TMEM67: variants seen among roughly 807,000 people sequenced by gnomAD.
TMEM67 encodes transmembrane protein 67.
In TMEM67, 124 loss-of-function variants were observed where a neutral mutation model predicts 136.6. The ratio of observed to expected loss-of-function variants is 0.91; its 90% CI spans 0.78 to 1.05. The LOEUF is 1.05. Ranked by LOEUF, TMEM67 falls within the 50% of genes least tolerant of loss-of-function variation. TMEM67 has a pLI of 0.00. For synonymous variants in TMEM67, 364 were observed against 390.5 expected (o/e 0.93, Z 0.80); for missense variants, 1,107 against 1,178.4 (o/e 0.94, Z 0.89).
At chr8:93,827,837 A>G in the TMEM67 span, among the ~76,000 whole-genome samples, 1 of 150,838 alleles carries the variant, frequency 6.6e-6, no homozygotes, top group Admixed American at 6.6e-5. Context: ...TGGCTAAGAA[A>G]CCCTGTTTCA....
At chr8:93,772,437 T>A (rs531222802) in intron 6 of TMEM67, 152 bp from the exon 7 acceptor site, 1 of 611,664 alleles carries the variant, frequency 1.6e-6, no homozygotes, top group South Asian at 2.1e-5. Context: ...CTATTTATAA[T>A]AACTGACATT....
intron 26 of TMEM67, among the ~76,000 whole-genome samples, chr8:93,811,571 A>G (rs1350521189): frequency 3.3e-5 from 5 of 152,198 alleles, no homozygotes; most frequent in Non-Finnish European, 5.9e-5. Context: ...CACAAGATGT[A>G]TATAAGTTGA....
chr8:93,764,190 A>T (rs1384419462), intron 4 of TMEM67, among the ~76,000 whole-genome samples: 1 of 152,180 alleles, frequency 6.6e-6, no homozygotes, highest in East Asian at 1.9e-4. Flanking sequence ...TTGTCTTTAG[A>T]ATGGTAATGT....
chr8:93,807,874 A>G (rs568667030), intron 23 of TMEM67, among the ~76,000 whole-genome samples: 2 of 152,040 alleles, frequency 1.3e-5, no homozygotes, highest in South Asian at 4.1e-4. Context: ...AATCAAATCA[A>G]AATTTTTTTT....
At chr8:93,802,371 G>C (rs1253625616) in intron 21 of TMEM67, among the ~76,000 whole-genome samples, 1 of 152,196 alleles carries the variant, frequency 6.6e-6, no homozygotes, top group Non-Finnish European at 1.5e-5. Flanking sequence ...AGCTGCACTA[G>C]ACTCTTTCAG....
At chr8:93,755,250 C>T in intron 1 of TMEM67, 113 bp downstream of exon 1, 2 of 1,095,208 alleles carry the variant, frequency 1.8e-6, no homozygotes, top group Non-Finnish European at 2.8e-6. Flanking sequence ...GAACTTCTGA[C>T]CTCAGGTGAT....
At chr8:93,771,017 A>G (rs1410994751) in intron 6 of TMEM67, among the ~76,000 whole-genome samples, 1 of 152,010 alleles carries the variant, frequency 6.6e-6, no homozygotes, top group Non-Finnish European at 1.5e-5. Flanking sequence ...CCGTCTCAAA[A>G]AAAAAAAAAA....
rs532146413 is a variant in TMEM67 at position 93,793,138 on chromosome 8, T to A, written c.1576-60T>A. On this transcript the variant is annotated intron_variant, in intron 15 of 27. Coordinates refer to ENST00000453321, the MANE Select transcript of TMEM67 (RefSeq NM_153704.6). Reference sequence around the variant, plus strand: ...TGAGCACTTCCTTACTTGTTCACAGTGTTTTTGAACACCGATGACAGAAAT... The same window carrying A: ...TGAGCACTTCCTTACTTGTTCACAGAGTTTTTGAACACCGATGACAGAAAT... 2.5e-5 allele frequency: 37 copies of A among 1,464,432 alleles called. 1 individual carries two copies. In the South Asian group the frequency reaches 3.9e-4, roughly 15 times the overall value. The allele number at this position is 1,464,432 out of a possible 1,614,324, so 90.7% of individuals were successfully genotyped here. A position where few individuals can be genotyped will look rare whatever the true frequency, so the allele number is the denominator to read the frequency against.
intron 20 of TMEM67, 32 bp from the exon 21 acceptor site, chr8:93,799,586 G>A (rs201722699): frequency 1.7e-5 from 27 of 1,611,092 alleles, no homozygotes; most frequent in Admixed American, 1.0e-4. Context: ...ATCCATGTCC[G>A]TTTAAATTAC....
At chr8:93,756,399 A>T (rs976251603) in intron 2 of TMEM67, 1 of 152,324 alleles carries the variant, frequency 6.6e-6, no homozygotes, top group African/African-American at 2.4e-5. Flanking sequence ...AAAATTAGTA[A>T]ATAGTTACTA....
intron 23 of TMEM67, among the ~76,000 whole-genome samples, chr8:93,808,599 G>T (rs187482220): frequency 8.8e-3 from 265 of 30,106 alleles, no homozygotes; most frequent in African/African-American, 0.024. Context: ...TTTAAGTAGA[G>T]CAAAGGAGAT....
the TMEM67 span, among the ~76,000 whole-genome samples, chr8:93,828,214 A>G: frequency 6.8e-4 from 104 of 152,164 alleles, 1 homozygote; most frequent in Non-Finnish European, 2.2e-4. Context: ...CAGGTGCCAT[A>G]GTATGAACTT....
the TMEM67 span, among the ~76,000 whole-genome samples, chr8:93,829,479 C>T: frequency 6.6e-6 from 1 of 152,104 alleles, no homozygotes; most frequent in Non-Finnish European, 1.5e-5. Flanking sequence ...TCCACTCCTG[C>T]TCACTGGATC....
chr8:93,787,640 A>G (rs1488685996), intron 13 of TMEM67, among the ~76,000 whole-genome samples: 1 of 152,234 alleles, frequency 6.6e-6, no homozygotes, highest in Non-Finnish European at 1.5e-5. Context: ...ATCAGATGGT[A>G]TATTTTAATG....
chr8:93,780,410 G>T (rs1813762877), intron 7 of TMEM67, among the ~76,000 whole-genome samples, 183 bp from the exon 8 acceptor site: 1 of 152,102 alleles, frequency 6.6e-6, no homozygotes, highest in African/African-American at 2.4e-5. Context: ...GATGAACCAG[G>T]TATCTCAGTT....
chr8:93,804,173 G>T (rs577726729), intron 22 of TMEM67, among the ~76,000 whole-genome samples: 3 of 151,548 alleles, frequency 2.0e-5, no homozygotes, highest in Non-Finnish European at 4.4e-5. Context: ...TGCCCAGCCT[G>T]TTTTTTTCAT....
chr8:93,831,999 A>G, the TMEM67 span, among the ~76,000 whole-genome samples: 2 of 152,190 alleles, frequency 1.3e-5, no homozygotes, highest in South Asian at 4.1e-4. Flanking sequence ...CCATCCTCCA[A>G]GTCCTTCAGC....
chr8:93,803,891 T>G (rs1814981227), intron 22 of TMEM67, among the ~76,000 whole-genome samples: 1 of 151,986 alleles, frequency 6.6e-6, no homozygotes, highest in South Asian at 2.1e-4. Flanking sequence ...TTTTTTTTTT[T>G]TTTGAAACGG....
chr8:93,808,575 A>AAT (rs910662926), intron 23 of TMEM67, among the ~76,000 whole-genome samples: 20 of 19,788 alleles, frequency 1.0e-3, no homozygotes, highest in South Asian at 1.9e-3. Flanking sequence ...ATTATAGATA[A>AAT]ATATATATAT....
Sources: gnomAD v4.1 joint callset for allele counts (sites outside exome capture counted in the v4.1 genomes callset) on GRCh38, gnomAD v4.1.1 for gene constraint, MANE v1.5 for transcripts, NCBI Gene and HGNC (gene_info 2026-07-23, HGNC 2026-07-21) for gene names.